CACNA2D1: variants seen among roughly 807,000 people sequenced by gnomAD.
The protein encoded by CACNA2D1 is voltage-dependent calcium channel subunit alpha-2/delta-1.
A neutral mutation model predicts 171.5 loss-of-function variants in CACNA2D1; 53 were observed. That is an observed-to-expected ratio of 0.31 (90% CI 0.25 to 0.39). CACNA2D1 has a LOEUF of 0.39. Among genes scored for constraint, CACNA2D1 ranks in the 10% least tolerant of loss-of-function variants. The pLI, the probability that CACNA2D1 is intolerant of heterozygous loss-of-function variation, is 1.00. For synonymous variants in CACNA2D1, 442 were observed against 443.1 expected (o/e 1.00, Z 0.03); for missense variants, 903 against 1,299.8 (o/e 0.69, Z 4.69).
chr7:82,079,945 C>T (rs1252717261), intron 7 of CACNA2D1, among the ~76,000 whole-genome samples: 3 of 151,838 alleles, frequency 2.0e-5, no homozygotes, highest in African/African-American at 2.4e-5. Context: ...AACCATTCTA[C>T]AATATGTGTG....
intron 4 of CACNA2D1, among the ~76,000 whole-genome samples, chr7:82,137,707 T>TAAAAAAAAAAAAAAAAAAAAAAAAA (rs1174278503): frequency 1.5e-4 from 12 of 78,830 alleles, no homozygotes; most frequent in African/African-American, 2.1e-4. Flanking sequence ...CCGTCTCTAC[T>TAAAAAAAAAAAAAAAAAAAAAAAAA]AAAAAAAAAA....
At chr7:82,120,195 CTGTGTG>C (rs113662503) in intron 5 of CACNA2D1, among the ~76,000 whole-genome samples, 4 of 151,394 alleles carry the variant, frequency 2.6e-5, no homozygotes, top group Non-Finnish European at 5.9e-5. Context: ...GCACGTGTGT[CTGTGTG>C]TGTGTGTGCA....
rs546942076 is a variant in CACNA2D1 at position 82,333,263 on chromosome 7, A to C, written c.294+1872T>G. 5.9e-5 allele frequency among the ~76,000 whole-genome samples: 9 copies of C among 152,336 alleles called. 1 individual carries two copies. The highest frequency in any genetic ancestry group is 2.2e-4 in the African/African-American group (9 of 41,576). On this transcript the variant is annotated intron_variant, in intron 3 of 38. Coordinates refer to ENST00000356860, the MANE Select transcript of CACNA2D1 (RefSeq NM_000722.4). ...ATTATATGCCAAATCTAAAATTTAGATAAAAGGTAAAAGTTTAAGAATACT... is the reference window on the plus strand; with the variant it reads ...ATTATATGCCAAATCTAAAATTTAGCTAAAAGGTAAAAGTTTAAGAATACT...
intron 3 of CACNA2D1, among the ~76,000 whole-genome samples, chr7:82,255,528 C>A (rs1038260827): frequency 2.0e-5 from 3 of 152,160 alleles, no homozygotes; most frequent in Non-Finnish European, 2.9e-5. Flanking sequence ...CAAGAAAATT[C>A]ATTCCCTTAA....
At chr7:82,197,810 AAC>A (rs35774007) in intron 3 of CACNA2D1, among the ~76,000 whole-genome samples, 15 of 150,866 alleles carry the variant, frequency 9.9e-5, no homozygotes, top group South Asian at 4.2e-4. Context: ...AAACTATACA[AAC>A]ACACACACAC....
At position 81,951,561 on chromosome 7, in the gene CACNA2D1, T is replaced by G. The variant is rs554974323; in HGVS notation, c.3160-1053A>C. Among the ~76,000 whole-genome samples the G allele has an allele frequency of 1.1e-4, 16 of 152,178 alleles. No individual in the cohort carries two copies. In the South Asian group the frequency reaches 3.1e-3, roughly 30 times the overall value. The stretch of plus-strand genomic sequence containing the variant: ...CTTATGCCTCTGCATCCTTATAGCT[T>G]AGCTCCCACTTAGAAGTTAGAACAT... On this transcript the variant is annotated intron_variant, in intron 38 of 38. Coordinates refer to ENST00000356860, the MANE Select transcript of CACNA2D1 (RefSeq NM_000722.4).
At chr7:82,006,355 T>G (rs2130874526) in intron 16 of CACNA2D1, among the ~76,000 whole-genome samples, 1 of 152,122 alleles carries the variant, frequency 6.6e-6, no homozygotes, top group East Asian at 1.9e-4. Context: ...CTCAAAACAC[T>G]ATTTCTAGTC....
chr7:82,337,879 A>G (rs2129444644), intron 2 of CACNA2D1, among the ~76,000 whole-genome samples: 1 of 152,268 alleles, frequency 6.6e-6, no homozygotes, highest in South Asian at 2.1e-4. Context: ...CAAAAAGAAT[A>G]CTTGTCACCT....
chr7:82,236,894 G>A (rs961782527), intron 3 of CACNA2D1, among the ~76,000 whole-genome samples: 1 of 151,848 alleles, frequency 6.6e-6, no homozygotes, highest in Non-Finnish European at 1.5e-5. Context: ...TATGAAGACT[G>A]AAATAAAATA....
intron 12 of CACNA2D1, chr7:82,028,749 A>T (rs1290019861): frequency 6.6e-6 from 1 of 151,820 alleles, no homozygotes; most frequent in East Asian, 1.9e-4. Flanking sequence ...GATGTGGTGG[A>T]AACAGCAAGA....
chr7:81,980,357 G>A lies in CACNA2D1; in HGVS notation c.1955+2210C>T, dbSNP rs1176005153. 4.6e-5 allele frequency among the ~76,000 whole-genome samples: 7 copies of A among 151,876 alleles called. No homozygotes were observed. In the East Asian group the frequency reaches 1.4e-3, roughly 29 times the overall value. ...ACTCAACCCTGTCTTTGTAGAAAAA[G>A]CAGCCAAAGACATTCCAGAAACAAA... is the stretch of plus-strand genomic sequence containing the variant. On this transcript the variant is annotated intron_variant, in intron 24 of 38. Coordinates refer to ENST00000356860, the MANE Select transcript of CACNA2D1 (RefSeq NM_000722.4).
At chr7:82,177,087 T>TTTTTTTG (rs1563160670) in intron 3 of CACNA2D1, among the ~76,000 whole-genome samples, 3 of 41,550 alleles carry the variant, frequency 7.2e-5, no homozygotes, top group Admixed American at 3.3e-4. Flanking sequence ...TTTTTTTTTT[T>TTTTTTTG]GGCGGGGGTT....
At chr7:81,966,381 A>C (rs1794709379) in intron 31 of CACNA2D1, among the ~76,000 whole-genome samples, 1 of 151,590 alleles carries the variant, frequency 6.6e-6, no homozygotes, top group East Asian at 1.9e-4. Context: ...TTATTACTAA[A>C]ATATTTGCTC....
At chr7:82,232,542 C>T (rs1327568899) in intron 3 of CACNA2D1, among the ~76,000 whole-genome samples, 1 of 151,886 alleles carries the variant, frequency 6.6e-6, no homozygotes. Context: ...TAATAATTGC[C>T]CCTGTTTTTA....
At chr7:82,357,750 T>C (rs1262746138) in intron 1 of CACNA2D1, among the ~76,000 whole-genome samples, 1 of 150,430 alleles carries the variant, frequency 6.6e-6, no homozygotes, top group East Asian at 2.0e-4. Flanking sequence ...TTAGGAGATA[T>C]ACCTAACGCT....
chr7:82,102,177 C>A (rs147768677), intron 6 of CACNA2D1, among the ~76,000 whole-genome samples: 2,748 of 151,862 alleles, frequency 0.018, 34 homozygotes, highest in Middle Eastern at 0.048. Flanking sequence ...AGGGAAGTAA[C>A]AGTTCTATTG....
At chr7:82,381,921 C>T (rs1280436227) in intron 1 of CACNA2D1, among the ~76,000 whole-genome samples, 1 of 150,292 alleles carries the variant, frequency 6.7e-6, no homozygotes, top group Non-Finnish European at 1.5e-5. Flanking sequence ...ATTTTATTTC[C>T]TATAGTTTTA....
At chr7:82,289,431 C>A (rs541040722) in intron 3 of CACNA2D1, among the ~76,000 whole-genome samples, 1 of 152,082 alleles carries the variant, frequency 6.6e-6, no homozygotes, top group Non-Finnish European at 1.5e-5. Context: ...TGTTTGTGGA[C>A]GTAAGTTTGC....
At chr7:82,072,654 A>C (rs2128994009) in intron 7 of CACNA2D1, among the ~76,000 whole-genome samples, 1 of 151,890 alleles carries the variant, frequency 6.6e-6, no homozygotes, top group Middle Eastern at 3.4e-3. Flanking sequence ...TATTAATATG[A>C]AGAGTCCATT....
Sources: allele counts gnomAD v4.1 joint callset (sites outside exome capture counted in the v4.1 genomes callset), GRCh38; gene constraint gnomAD v4.1.1; transcripts MANE v1.5; gene names NCBI Gene and HGNC (gene_info 2026-07-23, HGNC 2026-07-21).